Variants in STRBP observed in about 807,000 individuals in gnomAD.
STRBP encodes the protein spermatid perinuclear RNA-binding protein.
Under a neutral mutation model 80.1 loss-of-function variants are expected in STRBP, and 13 were observed. That is an observed-to-expected ratio of 0.16 (90% CI 0.11 to 0.26). STRBP has a LOEUF of 0.26. Ranked by LOEUF, STRBP falls within the 10% of genes least tolerant of loss-of-function variation. The pLI is 1.00. For missense variants in STRBP, 485 were observed against 815.2 expected (o/e 0.59, Z 4.93); for synonymous variants, 284 against 291.2 (o/e 0.98, Z 0.25).
intron 6 of STRBP, among the ~76,000 whole-genome samples, chr9:123,165,317 T>C (rs936126744): frequency 6.7e-6 from 1 of 148,882 alleles, no homozygotes; most frequent in Non-Finnish European, 1.5e-5. Flanking sequence ...CTGGATAACG[T>C]AGATCCAGAA....
At chr9:123,228,962 A>G (rs1588133081) in intron 2 of STRBP, among the ~76,000 whole-genome samples, 1 of 152,252 alleles carries the variant, frequency 6.6e-6, no homozygotes, top group South Asian at 2.1e-4. Flanking sequence ...ATGAATGCAC[A>G]AACAAAATGT....
In STRBP at chr9:123,179,053, C is replaced by G. The variant is rs763412250; in HGVS notation, c.178G>C (p.Gly60Arg). ...DETNKGTKTE[G>R]ETEVKKDEAG... ...TCATCTTTCTTCACTTCTGTCTCACCCTCTGTTTTTGTGCCTTTATTTGTT... is the reference window on the plus strand; with the variant it reads ...TCATCTTTCTTCACTTCTGTCTCACGCTCTGTTTTTGTGCCTTTATTTGTT... The change falls in exon 4 of 19, where the codon GGT becomes CGT. Residue 60 changes from glycine (G) to arginine (R), a missense_variant. Physicochemically the swap from Gly to Arg is moderately radical, Grantham distance 125. This residue lies in a region of STRBP where 377 missense variants were observed against 616.1 expected (regional missense o/e 0.61). Transcript: ENST00000348403. The G allele has an allele frequency of 1.9e-6, 3 of 1,614,124 alleles. No individual in the cohort carries two copies. Among genetic ancestry groups the G allele is most frequent in the Non-Finnish European group, 2.5e-6 (3 of 1,180,018 alleles).
intron 1 of STRBP, among the ~76,000 whole-genome samples, chr9:123,244,610 C>T (rs927051287): frequency 6.6e-6 from 1 of 152,186 alleles, no homozygotes; most frequent in South Asian, 2.1e-4. Flanking sequence ...CCTAAAACTG[C>T]TCCAATGAAG....
rs2039959912 is a variant in STRBP at position 123,218,307 on chromosome 9, G to A, written c.-165+18523C>T. On this transcript the variant is annotated intron_variant, in intron 2 of 18. Coordinates refer to ENST00000348403, the MANE Select transcript of STRBP (RefSeq NM_018387.5). ...CATGTAATCAAAAACAATGCAATGAGGAAATAACCTAAATGAATTATACAG... is the reference window on the plus strand; with the variant it reads ...CATGTAATCAAAAACAATGCAATGAAGAAATAACCTAAATGAATTATACAG... 2.7e-5 allele frequency among the ~76,000 whole-genome samples: 4 copies of A among 150,810 alleles called. No individual in the cohort carries two copies. In the South Asian group the frequency reaches 8.4e-4, roughly 32 times the overall value.
intron 17 of STRBP, among the ~76,000 whole-genome samples, chr9:123,132,069 A>T (rs1185812988): frequency 4.6e-5 from 7 of 152,272 alleles, no homozygotes; most frequent in African/African-American, 1.4e-4. Flanking sequence ...TGTTAAAATG[A>T]CATAAGAATT....
At chr9:123,210,644 TG>T (rs1410638950) in intron 2 of STRBP, among the ~76,000 whole-genome samples, 5 of 152,064 alleles carry the variant, frequency 3.3e-5, no homozygotes, top group Non-Finnish European at 1.5e-5. Flanking sequence ...CTGACCAAGA[TG>T]GTGAAACCCC....
chr9:123,158,419 A>C lies in STRBP; in HGVS notation c.846T>G (p.Gly282=), dbSNP rs765847060. The C allele has an allele frequency of 9.3e-6, 15 of 1,613,540 alleles. No homozygotes were observed. The highest frequency in any genetic ancestry group is 1.2e-5 in the Non-Finnish European group (14 of 1,179,600). Residue 282 remains glycine, a synonymous_variant, in exon 10 of 19, where the codon GGT becomes GGG. Coordinates refer to ENST00000348403, the MANE Select transcript of STRBP (RefSeq NM_018387.5). The stretch of plus-strand genomic sequence containing the variant: ...GGTCTCGCTCACAAGGATCATGAAG[A>C]CCAGGACCCCCTTTGGCAAAGGAAA... The part of the protein sequence containing the change: ...ASGILLPGGP[G]LHDPCERDPT...
At chr9:123,257,316 C>T (rs1455564889) in intron 1 of STRBP, among the ~76,000 whole-genome samples, 2 of 152,144 alleles carry the variant, frequency 1.3e-5, no homozygotes, top group South Asian at 2.1e-4. Flanking sequence ...CACACACCCT[C>T]GCTGAAATCG....
Position 123,180,488 on chromosome 9 carries a change from T to C in STRBP, c.4-1261A>G, listed in dbSNP as rs961375468. On this transcript the variant is annotated intron_variant, in intron 3 of 18. Transcript: ENST00000348403. ...GACAAGCTAATTTACAAATATATTC[T>C]CAATCAAAATCTCCTCAGGATTGAT... Among the ~76,000 whole-genome samples the C allele has an allele frequency of 2.6e-5, 4 of 152,274 alleles. No individual in the cohort carries two copies. The South Asian group carries it at 6.2e-4, about 24-fold the overall frequency.
intron 14 of STRBP, 29 bp downstream of exon 14, chr9:123,139,500 T>C: frequency 2.0e-6 from 3 of 1,514,934 alleles, no homozygotes; most frequent in Non-Finnish European, 2.6e-6. Context: ...ATATATGTTA[T>C]TTTTTTTCTG....
chr9:123,163,298 A>G (rs1278725801), intron 6 of STRBP, among the ~76,000 whole-genome samples: 1 of 152,230 alleles, frequency 6.6e-6, no homozygotes, highest in Non-Finnish European at 1.5e-5. Flanking sequence ...AATGGGAGAC[A>G]ATGGCAAAAA....
intron 2 of STRBP, among the ~76,000 whole-genome samples, chr9:123,206,857 C>G (rs1377224895): frequency 1.3e-5 from 2 of 152,060 alleles, no homozygotes; most frequent in Non-Finnish European, 2.9e-5. Context: ...AGGCTGGTCT[C>G]GAACTACTGA....
chr9:123,116,530 A>T (rs878934301), intron 2 of STRBP, among the ~76,000 whole-genome samples: 1 of 152,240 alleles, frequency 6.6e-6, no homozygotes, highest in Admixed American at 6.5e-5. Context: ...TAGCACACTA[A>T]CAAAGGAACA....
In STRBP at chr9:123,115,476, C is replaced by T; in HGVS notation, c.*84+453G>A. 4.6e-6 allele frequency: 2 copies of T among 439,252 alleles called. No homozygotes were observed. The highest frequency in any genetic ancestry group is 3.3e-5 in the South Asian group (2 of 59,810). 27.2% of individuals were successfully genotyped at this position (439,252 alleles called of 1,614,324 possible). A position where few individuals can be genotyped will look rare whatever the true frequency, so the allele number is the denominator to read the frequency against. On this transcript the variant is annotated intron_variant and NMD_transcript_variant, in intron 3 of 3. Transcript: ENST00000471564. The surrounding 1 kb of genome is among the most constrained non-coding windows in gnomAD (Gnocchi z 5.0). ...TCTCATTCTGTTCAAATCCTCTGCA[C>T]CTCTTTCTTCCCCTCCCTGTACTCT...
Position 123,136,500 on chromosome 9 carries a change from G to T in STRBP, c.1513C>A (p.Pro505Thr). 6.2e-7 allele frequency: 1 copy of T among 1,613,918 alleles called. No homozygotes were observed. Among genetic ancestry groups the T allele is most frequent in the Non-Finnish European group, 8.5e-7 (1 of 1,179,960 alleles). The change falls in exon 15 of 19, where the codon CCT becomes ACT. Residue 505 changes from proline (P) to threonine (T), a missense_variant. Around this residue, in one of 3 missense-constraint regions of STRBP, gnomAD observed 377 missense variants for 616.1 expected, o/e 0.61. Transcript: ENST00000348403. This position sits in a 1 kb window ranked among gnomAD's most constrained non-coding sequence, Gnocchi z 4.2. The part of the protein sequence containing the change: ...SSTLEVRTQG[P>T]ILTASGKNPV... ...TTTTTGCCACTTGCTGTGAGGATAGGGCCCTGAGTTCTTACCTATAAGAGA... is the reference window on the plus strand; with the variant it reads ...TTTTTGCCACTTGCTGTGAGGATAGTGCCCTGAGTTCTTACCTATAAGAGA...
intron 11 of STRBP, among the ~76,000 whole-genome samples, chr9:123,157,095 T>C (rs1367205642): frequency 6.6e-6 from 1 of 152,090 alleles, no homozygotes; most frequent in Non-Finnish European, 1.5e-5. Flanking sequence ...GGCCTAAAAC[T>C]AGGAAGTGGT....
chr9:123,116,955 C>T (rs2035655667), downstream of STRBP, among the ~76,000 whole-genome samples: 1 of 152,154 alleles, frequency 6.6e-6, no homozygotes, highest in South Asian at 2.1e-4. Flanking sequence ...AATGTTATTT[C>T]TTCTGGTGGT....
In STRBP at chr9:123,165,852, C is replaced by T. The variant is rs541790857; in HGVS notation, c.535+4050G>A. ...GCTACCCCATAGGGCCATGTGAGGG[C>T]TTTTAAAATAAACCATATGTGAGGA... On this transcript the variant is annotated intron_variant, in intron 6 of 18. Transcript: ENST00000348403. Among the ~76,000 whole-genome samples, 8 of 152,198 alleles carry T rather than the reference C, an allele frequency of 5.3e-5. No homozygotes were observed. The East Asian group carries it at 1.5e-3, about 29-fold the overall frequency.
At chr9:123,178,652 T>A (rs903872035) in intron 4 of STRBP, among the ~76,000 whole-genome samples, 6 of 152,334 alleles carry the variant, frequency 3.9e-5, no homozygotes, top group Middle Eastern at 6.8e-3. Flanking sequence ...TGGTATTTTA[T>A]GATCTCCCCA....
Sources: gnomAD v4.1 joint callset for allele counts (sites outside exome capture counted in the v4.1 genomes callset) on GRCh38, gnomAD v4.1.1 for gene constraint, gnomAD v4.1.1 regional missense constraint, Gnocchi (gnomAD v3.1) non-coding constraint, MANE v1.5 for transcripts, NCBI Gene and HGNC (gene_info 2026-07-23, HGNC 2026-07-21) for gene names.